The following PDE4B variants were observed in gnomAD, a reference collection of about 807,000 sequenced individuals.
PDE4B encodes phosphodiesterase 4B.
PDE4B carries 20 observed loss-of-function variants against 82.2 expected under a neutral mutation model. The ratio of observed to expected loss-of-function variants is 0.24; its 90% CI spans 0.17 to 0.35. The LOEUF is 0.35. Ranked by LOEUF, PDE4B falls within the 10% of genes least tolerant of loss-of-function variation. The pLI is 1.00. For synonymous variants in PDE4B, 320 were observed against 318.9 expected (o/e 1.00, Z -0.04); for missense variants, 655 against 907.2 (o/e 0.72, Z 3.57).
rs17128751 is a variant in PDE4B, at chr1:66,296,202, G to A, written c.634+30115G>A. On this transcript the variant is annotated intron_variant, in intron 7 of 16. Transcript: ENST00000341517. ...TTTCTTTCCCACTAGACTTATTGGTGGCAAAAACTATGTCTTATTTGATAT... is the reference window on the plus strand; with the variant it reads ...TTTCTTTCCCACTAGACTTATTGGTAGCAAAAACTATGTCTTATTTGATAT... 7.3e-3 allele frequency among the ~76,000 whole-genome samples: 1,108 copies of A among 152,156 alleles called. 38 individuals carry two copies. The East Asian group carries it at 0.11, about 15-fold the overall frequency.
chr1:65,938,749 A>G (rs1249567953), intron 3 of PDE4B, among the ~76,000 whole-genome samples: 3 of 152,180 alleles, frequency 2.0e-5, no homozygotes, highest in Non-Finnish European at 4.4e-5. Flanking sequence ...AGAAGATTGT[A>G]TGTTGAGGAA....
intron 3 of PDE4B, among the ~76,000 whole-genome samples, chr1:66,171,290 C>A (rs1646832126): frequency 6.6e-6 from 1 of 152,022 alleles, no homozygotes. Flanking sequence ...AAAATGAAAT[C>A]TTTTCTTCCC....
chr1:66,297,004 T>C (rs2101827511), intron 7 of PDE4B, among the ~76,000 whole-genome samples: 1 of 152,310 alleles, frequency 6.6e-6, no homozygotes, highest in East Asian at 1.9e-4. Context: ...ATTCCAAGGC[T>C]GTTTGATTCT....
chr1:65,826,596 C>T (rs1646020212), intron 1 of PDE4B, among the ~76,000 whole-genome samples: 1 of 152,104 alleles, frequency 6.6e-6, no homozygotes, highest in Non-Finnish European at 1.5e-5. Flanking sequence ...ACACCTACCT[C>T]CCTAATCTTC....
intron 1 of PDE4B, among the ~76,000 whole-genome samples, chr1:65,892,367 C>A (rs1014266640): frequency 4.6e-5 from 7 of 151,962 alleles, no homozygotes; most frequent in African/African-American, 7.3e-5. Flanking sequence ...AAATGAGTCA[C>A]TATTTTAATT....
intron 3 of PDE4B, among the ~76,000 whole-genome samples, chr1:66,103,085 A>C (rs551564397): frequency 6.6e-6 from 1 of 152,092 alleles, no homozygotes; most frequent in African/African-American, 2.4e-5. Context: ...CCCTAGGAGA[A>C]CTGAGTTGTA....
chr1:65,893,366 C>T (rs1646872786), intron 1 of PDE4B, among the ~76,000 whole-genome samples: 1 of 151,874 alleles, frequency 6.6e-6, no homozygotes, highest in Admixed American at 6.6e-5. Context: ...AGCCAACAAA[C>T]ATGAAAAAAT....
intron 1 of PDE4B, among the ~76,000 whole-genome samples, chr1:65,831,466 A>G (rs1448112678): frequency 6.6e-6 from 1 of 152,180 alleles, no homozygotes; most frequent in Non-Finnish European, 1.5e-5. Context: ...CAAGATAAAA[A>G]CTATCAAAAA....
At chr1:66,044,037 A>G (rs1654546395) in intron 3 of PDE4B, among the ~76,000 whole-genome samples, 1 of 151,336 alleles carries the variant, frequency 6.6e-6, no homozygotes. Context: ...TACTAAATGT[A>G]TTATACTAAA....
At chr1:65,987,965 G>A (rs1651042554) in intron 3 of PDE4B, among the ~76,000 whole-genome samples, 1 of 152,148 alleles carries the variant, frequency 6.6e-6, no homozygotes, top group African/African-American at 2.4e-5. Context: ...TACAAATAAT[G>A]TACATTTGGT....
chr1:65,941,327 C>G (rs528747654), intron 3 of PDE4B, among the ~76,000 whole-genome samples: 12 of 152,150 alleles, frequency 7.9e-5, no homozygotes, highest in Admixed American at 7.2e-4. Context: ...TAATCTCCCA[C>G]AAATTCACAT....
intron 3 of PDE4B, among the ~76,000 whole-genome samples, chr1:65,963,122 C>T (rs545959691): frequency 3.3e-5 from 5 of 152,256 alleles, no homozygotes; most frequent in Admixed American, 2.6e-4. Flanking sequence ...AAGTCAGCTC[C>T]CGTACACCAC....
At chr1:66,158,094 A>G (rs989266734) in intron 3 of PDE4B, among the ~76,000 whole-genome samples, 3 of 152,198 alleles carry the variant, frequency 2.0e-5, no homozygotes, top group Non-Finnish European at 4.4e-5. Flanking sequence ...ATTCTACTGC[A>G]TAGATTGAGG....
chr1:66,225,242 T>A (rs75053693), intron 3 of PDE4B, among the ~76,000 whole-genome samples: 2,456 of 152,296 alleles, frequency 0.016, 81 homozygotes, highest in African/African-American at 0.055. Context: ...AAAGTTGTTT[T>A]TATTTTCTCA....
intron 8 of PDE4B, among the ~76,000 whole-genome samples, chr1:66,341,058 G>A (rs540636149): frequency 6.6e-6 from 1 of 152,274 alleles, no homozygotes; most frequent in East Asian, 1.9e-4. Context: ...AGAACTTTAA[G>A]CCTAGAAGAG....
chr1:66,192,099 C>G (rs911180245), intron 3 of PDE4B, among the ~76,000 whole-genome samples: 30 of 151,968 alleles, frequency 2.0e-4, no homozygotes, highest in Non-Finnish European at 1.5e-4. Flanking sequence ...ATAACTATCC[C>G]TGATGTACTA....
chr1:66,111,895 T>A (rs1369594375), intron 3 of PDE4B, among the ~76,000 whole-genome samples: 2 of 152,166 alleles, frequency 1.3e-5, no homozygotes, highest in Non-Finnish European at 2.9e-5. Context: ...TGTTTCTTAA[T>A]AATGAAGCAA....
At chr1:66,260,035 G>C (rs184374716) in intron 6 of PDE4B, among the ~76,000 whole-genome samples, 2 of 152,152 alleles carry the variant, frequency 1.3e-5, no homozygotes, top group African/African-American at 4.8e-5. Flanking sequence ...GCACAAAGTA[G>C]GTGCTCAATA....
chr1:66,275,352 C>A (rs1655806466), intron 7 of PDE4B, among the ~76,000 whole-genome samples: 1 of 152,154 alleles, frequency 6.6e-6, no homozygotes. Flanking sequence ...GCGCTAGGAG[C>A]TGGTGCAAAG....
Sources: allele counts gnomAD v4.1 joint callset (sites outside exome capture counted in the v4.1 genomes callset), GRCh38; gene constraint gnomAD v4.1.1; transcripts MANE v1.5; gene names NCBI Gene and HGNC (gene_info 2026-07-23, HGNC 2026-07-21).